The following ADGRV1 variants were observed in gnomAD, a reference collection of about 807,000 sequenced individuals.
ADGRV1 encodes the protein adhesion G protein-coupled receptor V1.
ADGRV1 carries 359 observed loss-of-function variants against 596.2 expected under a neutral mutation model. The ratio of observed to expected loss-of-function variants is 0.60; its 90% CI spans 0.55 to 0.66. The LOEUF (loss-of-function observed/expected upper bound fraction) is 0.66, where lower values mean the gene tolerates loss of function less well. Ranked by LOEUF, ADGRV1 falls within the 30% of genes least tolerant of loss-of-function variation. The pLI, the probability that ADGRV1 is intolerant of heterozygous loss-of-function variation, is 0.00. For missense variants in ADGRV1, 7,274 were observed against 7,575.6 expected, an observed-to-expected ratio of 0.96 and a Z score of 1.48; for synonymous variants, 2,681 against 2,679.2, an observed-to-expected ratio of 1.00 and a Z score of -0.02.
chr5:91,030,002 A>G (rs1386932774), intron 85 of ADGRV1, among the ~76,000 whole-genome samples: 4 of 152,132 alleles, frequency 2.6e-5, no homozygotes, highest in Non-Finnish European at 4.4e-5. Flanking sequence ...TACTTTTTAA[A>G]AATAATAACC....
At chr5:91,126,030 A>C (rs1019248369) in intron 87 of ADGRV1, among the ~76,000 whole-genome samples, 1 of 152,172 alleles carries the variant, frequency 6.6e-6, no homozygotes, top group Non-Finnish European at 1.5e-5. Flanking sequence ...ACATCTTCTG[A>C]TGCAACCCCC....
At chr5:90,891,197 A>G (rs2150582686) in intron 83 of ADGRV1, among the ~76,000 whole-genome samples, 1 of 148,240 alleles carries the variant, frequency 6.7e-6, no homozygotes, top group African/African-American at 2.4e-5. Context: ...ATTTATATAT[A>G]TTATATAAAA....
chr5:91,021,201 G>A (rs1783604059), intron 85 of ADGRV1, among the ~76,000 whole-genome samples: 1 of 151,984 alleles, frequency 6.6e-6, no homozygotes, highest in Admixed American at 6.6e-5. Context: ...CCTCATTTTT[G>A]TATTATTTCT....
chr5:90,831,364 G>A (rs966233600), intron 77 of ADGRV1, among the ~76,000 whole-genome samples: 60 of 151,670 alleles, frequency 4.0e-4, no homozygotes, highest in African/African-American at 1.2e-3. Flanking sequence ...CCTACCCTGC[G>A]ATTATAGGCT....
chr5:91,031,037 C>T (rs1784442348), intron 85 of ADGRV1: 3 of 1,501,712 alleles, frequency 2.0e-6, no homozygotes, highest in African/African-American at 2.8e-5. Context: ...TTGACAAATG[C>T]CTGGTGGCGA....
intron 58 of ADGRV1, 116 bp from the exon 59 acceptor site, chr5:90,763,189 G>A (rs896719717): frequency 1.4e-5 from 13 of 946,628 alleles, no homozygotes; most frequent in Non-Finnish European, 1.9e-5. Context: ...ATAATTACAT[G>A]TAACATTCTA....
intron 37 of ADGRV1, 30 bp from the exon 38 acceptor site, chr5:90,706,201 A>G: frequency 1.9e-6 from 3 of 1,578,146 alleles, no homozygotes; most frequent in Non-Finnish European, 2.6e-6. Flanking sequence ...TTAGATAATT[A>G]TAAAACATTT....
Position 90,905,116 on chromosome 5 carries a change from AC to A in ADGRV1, c.17856+41261del, listed in dbSNP as rs571569434. ...GTCTATGTGTCTCAGTTTACACTGT[AC>A]CATACTGTTTTGATTACTACAACTG... On this transcript the variant is annotated intron_variant, in intron 83 of 89. Coordinates refer to ENST00000405460, the MANE Select transcript of ADGRV1 (RefSeq NM_032119.4). 3.5e-3 allele frequency among the ~76,000 whole-genome samples: 536 copies of A among 152,128 alleles called. 2 individuals carry two copies. The highest frequency in any genetic ancestry group is 5.6e-3 in the Non-Finnish European group (378 of 67,910).
At chr5:90,743,506 G>A (rs938523334) in intron 50 of ADGRV1, among the ~76,000 whole-genome samples, 8 of 119,040 alleles carry the variant, frequency 6.7e-5, no homozygotes, top group Non-Finnish European at 1.3e-4. Context: ...GAGTCTTAAT[G>A]TGTCGCCCAG....
intron 84 of ADGRV1, among the ~76,000 whole-genome samples, chr5:90,968,423 C>T (rs1383933617): frequency 2.6e-5 from 4 of 152,176 alleles, no homozygotes; most frequent in African/African-American, 9.7e-5. Flanking sequence ...TATTCTACAT[C>T]TCTTCTTTGA....
intron 86 of ADGRV1, among the ~76,000 whole-genome samples, chr5:91,082,036 C>T (rs1395532594): frequency 6.6e-6 from 1 of 152,134 alleles, no homozygotes; most frequent in African/African-American, 2.4e-5. Context: ...GATAAATAGG[C>T]TTCAGTAAGG....
chr5:90,728,737 G>A lies in ADGRV1; in HGVS notation c.10230G>A (p.Val3410=). 1 of 1,613,780 alleles carries A rather than the reference G, an allele frequency of 6.2e-7. No homozygotes were observed. Among genetic ancestry groups the A allele is most frequent in the Non-Finnish European group, 8.5e-7 (1 of 1,179,734 alleles). Residue 3410 remains valine (V), a synonymous_variant, in exon 49 of 90, where the codon GTG becomes GTA. Transcript: ENST00000405460. ...TCCCTGTCCGAGGTGTGCTGACCGT[G>A]GCCTTGTTCAACAAGGGAGGCTCTG... The part of the protein sequence containing the change: ...QKLPVRGVLT[V]ALFNKGGSVF...
intron 83 of ADGRV1, among the ~76,000 whole-genome samples, chr5:90,882,846 C>T (rs990729314): frequency 4.6e-5 from 7 of 151,918 alleles, no homozygotes; most frequent in East Asian, 1.9e-4. Flanking sequence ...TTAACATGAA[C>T]GTAATTGTGA....
chr5:90,735,690 A>G (rs936407525), intron 50 of ADGRV1, among the ~76,000 whole-genome samples: 27 of 152,012 alleles, frequency 1.8e-4, no homozygotes, highest in African/African-American at 6.5e-4. Context: ...TATTTCTTTC[A>G]TCAGCGTTGT....
intron 84 of ADGRV1, among the ~76,000 whole-genome samples, chr5:90,983,347 C>T (rs1233189425): frequency 1.3e-5 from 2 of 152,122 alleles, no homozygotes; most frequent in Non-Finnish European, 2.9e-5. Flanking sequence ...GAACTAATGT[C>T]CTTCTGCGTA....
chr5:91,073,203 C>G (rs1788539759), intron 86 of ADGRV1, among the ~76,000 whole-genome samples: 1 of 152,072 alleles, frequency 6.6e-6, no homozygotes, highest in East Asian at 1.9e-4. Context: ...AGACTAGAGT[C>G]CCTCAGGAAT....
intron 21 of ADGRV1, among the ~76,000 whole-genome samples, chr5:90,662,429 G>A (rs764276310): frequency 6.6e-6 from 1 of 151,770 alleles, no homozygotes; most frequent in African/African-American, 2.4e-5. Flanking sequence ...TCCTGACCTC[G>A]TGATCCACCT....
At chr5:91,105,031 T>TTGTTTGTG (rs1354485083) in intron 87 of ADGRV1, among the ~76,000 whole-genome samples, 1 of 151,788 alleles carries the variant, frequency 6.6e-6, no homozygotes, top group African/African-American at 2.4e-5. Flanking sequence ...CTAATTTTGT[T>TTGTTTGTG]TGTTTGTTTG....
At chr5:91,121,746 T>C (rs963789743) in intron 87 of ADGRV1, among the ~76,000 whole-genome samples, 3 of 152,064 alleles carry the variant, frequency 2.0e-5, no homozygotes, top group Non-Finnish European at 2.9e-5. Flanking sequence ...AAATATGAGA[T>C]ACAGGCTCAA....
Sources: gnomAD v4.1 joint callset for allele counts (sites outside exome capture counted in the v4.1 genomes callset) on GRCh38, gnomAD v4.1.1 for gene constraint, MANE v1.5 for transcripts, NCBI Gene and HGNC (gene_info 2026-07-23, HGNC 2026-07-21) for gene names.